The following CPSF3 variants were observed in gnomAD, a reference collection of about 807,000 sequenced individuals.
CPSF3 encodes cleavage and polyadenylation specificity factor subunit 3.
Under a neutral mutation model 84.1 loss-of-function variants are expected in CPSF3, and 57 were observed. The ratio of observed to expected loss-of-function variants is 0.68; its 90% CI spans 0.55 to 0.85. CPSF3 has a LOEUF of 0.85. Among genes scored for constraint, CPSF3 ranks in the 40% least tolerant of loss-of-function variants. The pLI, the probability that CPSF3 is intolerant of heterozygous loss-of-function variation, is 0.00. For synonymous variants in CPSF3, 275 were observed against 278.1 expected (o/e 0.99, Z 0.11); for missense variants, 522 against 838.8 (o/e 0.62, Z 4.66).
At chr2:9,450,559 G>A (rs1372160170) in intron 11 of CPSF3, among the ~76,000 whole-genome samples, 8 of 152,050 alleles carry the variant, frequency 5.3e-5, no homozygotes, top group Non-Finnish European at 7.4e-5. Flanking sequence ...AGGCTGAGGC[G>A]GACAAATCAT....
chr2:9,468,329 C>T (rs927298868), intron 16 of CPSF3, among the ~76,000 whole-genome samples: 10 of 152,054 alleles, frequency 6.6e-5, no homozygotes, highest in African/African-American at 1.9e-4. Context: ...CTCCCAGGCT[C>T]GAGCAATCCG....
chr2:9,427,845 T>C (rs987078834), intron 1 of CPSF3, among the ~76,000 whole-genome samples: 2 of 152,130 alleles, frequency 1.3e-5, no homozygotes, highest in African/African-American at 4.8e-5. Flanking sequence ...TAACTTAAAG[T>C]GTGCCTTGTG....
intron 10 of CPSF3, among the ~76,000 whole-genome samples, chr2:9,444,936 G>A (rs1480051128): frequency 6.6e-6 from 1 of 152,134 alleles, no homozygotes; most frequent in Non-Finnish European, 1.5e-5. Flanking sequence ...AAAGTGCTAG[G>A]ATTACAGGCA....
intron 12 of CPSF3, among the ~76,000 whole-genome samples, chr2:9,455,058 A>G (rs1348886026): frequency 6.6e-6 from 1 of 151,972 alleles, no homozygotes; most frequent in Non-Finnish European, 1.5e-5. Context: ...GGAGTTACCA[A>G]GGAAAGAAGG....
At chr2:9,424,103 C>T in intron 1 of CPSF3, 31 of 1,198,766 alleles carry the variant, frequency 2.6e-5, no homozygotes, top group East Asian at 4.3e-5. Flanking sequence ...CGCTCGCTTT[C>T]GTACACGCTA....
chr2:9,461,128 C>T (rs1681712981), intron 15 of CPSF3, among the ~76,000 whole-genome samples: 1 of 152,100 alleles, frequency 6.6e-6, no homozygotes, highest in Non-Finnish European at 1.5e-5. Flanking sequence ...TTTGAATTTG[C>T]TTTCAGTAAT....
chr2:9,436,082 C>T (rs1027025964), intron 6 of CPSF3, 129 bp from the exon 7 acceptor site: 11 of 766,600 alleles, frequency 1.4e-5, no homozygotes, highest in East Asian at 2.7e-5. Flanking sequence ...TATGACAACA[C>T]ATGTTCGAGT....
intron 15 of CPSF3, among the ~76,000 whole-genome samples, chr2:9,467,147 G>A (rs1682007749): frequency 6.6e-6 from 1 of 152,302 alleles, no homozygotes; most frequent in South Asian, 2.1e-4. Flanking sequence ...GTCAGAGCAT[G>A]CCTGAAACTC....
chr2:9,463,361 G>A (rs1014315581), intron 15 of CPSF3, among the ~76,000 whole-genome samples: 1 of 152,212 alleles, frequency 6.6e-6, no homozygotes, highest in African/African-American at 2.4e-5. Flanking sequence ...TCATCCAGGT[G>A]GCAGACAGTG....
At chr2:9,429,189 G>A (rs558537079) in intron 2 of CPSF3, among the ~76,000 whole-genome samples, 2 of 152,334 alleles carry the variant, frequency 1.3e-5, no homozygotes, top group East Asian at 3.9e-4. Flanking sequence ...TCCAGCATGT[G>A]GGGATCAAGC....
At chr2:9,426,324 A>T (rs1680391170) in intron 1 of CPSF3, among the ~76,000 whole-genome samples, 1 of 152,230 alleles carries the variant, frequency 6.6e-6, no homozygotes, top group Non-Finnish European at 1.5e-5. Context: ...TGGAACTGAG[A>T]CCCAAATGAT....
chr2:9,429,889 A>C (rs556743058), intron 2 of CPSF3, 34 bp from the exon 3 acceptor site: 1 of 1,375,094 alleles, frequency 7.3e-7, no homozygotes, highest in African/African-American at 1.5e-5. Flanking sequence ...TAAAATGTGC[A>C]GGAGATTGTG....
Position 9,471,459 on chromosome 2 carries a change from T to G in CPSF3, c.1953+20T>G. The G allele has an allele frequency of 1.4e-6, 2 of 1,423,124 alleles. No individual in the cohort carries two copies. The highest frequency in any genetic ancestry group is 2.0e-6 in the Non-Finnish European group (2 of 1,006,134). The allele number at this position is 1,423,124 out of a possible 1,614,324, so 88.2% of individuals were successfully genotyped here. On this transcript the variant is annotated intron_variant, in intron 17 of 17. Transcript: ENST00000238112. ...ACACGGGTATGTAGCTGCTCTTTCC[T>G]ACGTTTCAAGACATTTGGGAAATAA...
At chr2:9,450,232 A>G (rs1459498334) in intron 11 of CPSF3, among the ~76,000 whole-genome samples, 4 of 148,690 alleles carry the variant, frequency 2.7e-5, no homozygotes, top group African/African-American at 1.0e-4. Flanking sequence ...GCTCACTGCA[A>G]CCTCCGCCTC....
At chr2:9,442,332 G>T (rs747281159) in intron 9 of CPSF3, among the ~76,000 whole-genome samples, 8 of 152,162 alleles carry the variant, frequency 5.3e-5, no homozygotes, top group Non-Finnish European at 1.0e-4. Context: ...GCTGTAGAAT[G>T]TGTTTGGGTT....
At chr2:9,431,024 C>T in intron 4 of CPSF3, 144 bp downstream of exon 4, 1 of 643,384 alleles carries the variant, frequency 1.6e-6, no homozygotes, top group Non-Finnish European at 2.6e-6. Context: ...TTAACAAGGT[C>T]ATTGAAACCT....
At chr2:9,472,269 G>A (rs1189381815) in intron 17 of CPSF3, among the ~76,000 whole-genome samples, 2 of 143,240 alleles carry the variant, frequency 1.4e-5, no homozygotes, top group African/African-American at 5.2e-5. Flanking sequence ...GCAGTGAGCT[G>A]AGATCACATC....
chr2:9,446,436 A>C (rs6745536), intron 10 of CPSF3, among the ~76,000 whole-genome samples: 84,847 of 151,616 alleles, frequency 0.56, 24,735 homozygotes, highest in Middle Eastern at 0.7. Context: ...AAAAAATTAG[A>C]CGGGTGTGGT....
In CPSF3 at chr2:9,430,924, G is replaced by A. The variant is rs754958552; in HGVS notation, c.341+44G>A. 7.8e-6 allele frequency: 12 copies of A among 1,532,390 alleles called. 1 individual carries two copies. The highest frequency in any genetic ancestry group is 3.5e-5 in the Admixed American group (2 of 57,598). The allele number at this position is 1,532,390 out of a possible 1,614,324, so 94.9% of individuals were successfully genotyped here. A position where few individuals can be genotyped will look rare whatever the true frequency, so the allele number is the denominator to read the frequency against. ...TTATACACGACTTTGGCTCTATATGGCATGTATGGTTCAAGATATGGACCA... is the reference window on the plus strand; with the variant it reads ...TTATACACGACTTTGGCTCTATATGACATGTATGGTTCAAGATATGGACCA... On this transcript the variant is annotated intron_variant, in intron 4 of 17. Transcript: ENST00000238112.
Sources: allele counts gnomAD v4.1 joint callset (sites outside exome capture counted in the v4.1 genomes callset), GRCh38; gene constraint gnomAD v4.1.1; transcripts MANE v1.5; gene names NCBI Gene and HGNC (gene_info 2026-07-23, HGNC 2026-07-21).